The following CFAP77 variants were observed in gnomAD, a reference collection of about 807,000 sequenced individuals.
The protein encoded by CFAP77 is cilia- and flagella-associated protein 77.
A neutral mutation model predicts 31.1 loss-of-function variants in CFAP77; 25 were observed. That is an observed-to-expected ratio of 0.80 (90% CI 0.59 to 1.12). The LOEUF (loss-of-function observed/expected upper bound fraction) is 1.12. CFAP77 is among the 50% of genes most tolerant of loss of function. CFAP77 has a pLI of 0.00. For missense variants in CFAP77, 377 were observed against 397.3 expected, an observed-to-expected ratio of 0.95 and a Z score of 0.44; for synonymous variants, 151 against 159.9, an observed-to-expected ratio of 0.94 and a Z score of 0.42.
rs972452705 is a variant in CFAP77 at position 132,494,070 on chromosome 9, C to A, written c.196-4625C>A. On this transcript the variant is annotated intron_variant, in intron 1 of 5. Coordinates refer to ENST00000393216, the MANE Select transcript of CFAP77 (RefSeq NM_001282957.2). ...GGAACCACAGGCACACGCCACCATA[C>A]CCAGCTAATTTTTACATTTTTTGTA... 1.3e-4 allele frequency among the ~76,000 whole-genome samples: 20 copies of A among 152,298 alleles called. No homozygotes were observed. In the East Asian group the frequency reaches 3.9e-3, roughly 29 times the overall value.
intron 1 of CFAP77, among the ~76,000 whole-genome samples, chr9:132,446,410 C>A (rs1052480750): frequency 6.6e-6 from 1 of 151,780 alleles, no homozygotes; most frequent in Non-Finnish European, 1.5e-5. Flanking sequence ...TGTAGTGCTT[C>A]ACTCTTCACC....
At chr9:132,507,380 C>T (rs1437936420) in intron 3 of CFAP77, among the ~76,000 whole-genome samples, 2 of 152,210 alleles carry the variant, frequency 1.3e-5, no homozygotes, top group Non-Finnish European at 2.9e-5. Flanking sequence ...GCCTGGTCTA[C>T]ACCCCCAATC....
intron 1 of CFAP77, among the ~76,000 whole-genome samples, chr9:132,448,907 G>A (rs1361401073): frequency 6.6e-6 from 1 of 152,104 alleles, no homozygotes; most frequent in African/African-American, 2.4e-5. Flanking sequence ...TTTATTATGA[G>A]CAGTCGGGGA....
At chr9:132,462,811 C>T (rs892044035) in intron 1 of CFAP77, among the ~76,000 whole-genome samples, 6 of 149,666 alleles carry the variant, frequency 4.0e-5, no homozygotes, top group African/African-American at 1.0e-4. Context: ...AGCGAAACTC[C>T]GTCTCAAAAT....
At chr9:132,438,618 C>A (rs1211764470) in intron 1 of CFAP77, among the ~76,000 whole-genome samples, 2 of 148,964 alleles carry the variant, frequency 1.3e-5, no homozygotes, top group Admixed American at 1.3e-4. Flanking sequence ...TCACTGCAGC[C>A]CCAACCTCCT....
At chr9:132,433,422 T>G (rs1168072683) in intron 1 of CFAP77, among the ~76,000 whole-genome samples, 1 of 152,110 alleles carries the variant, frequency 6.6e-6, no homozygotes, top group Non-Finnish European at 1.5e-5. Context: ...CTCACCTCTA[T>G]GACAAAGGAC....
intron 1 of CFAP77, among the ~76,000 whole-genome samples, chr9:132,486,738 A>T (rs1851566240): frequency 6.6e-6 from 1 of 152,214 alleles, no homozygotes; most frequent in Non-Finnish European, 1.5e-5. Context: ...GCCTTCTCCG[A>T]GTGTAATCAA....
rs1196444968 is a variant in CFAP77, at chr9:132,559,013, CA to C, written c.733-13364del. Among the ~76,000 whole-genome samples, 964 of 139,358 alleles carry C rather than the reference CA, an allele frequency of 6.9e-3. 10 individuals carry two copies. Among genetic ancestry groups the C allele is most frequent in the African/African-American group, 0.023 (867 of 37,470 alleles). 91.4% of individuals were successfully genotyped at this position (139,358 alleles called of 152,430 possible). A position where few individuals can be genotyped will look rare whatever the true frequency, so the allele number is the denominator to read the frequency against. ...TAGGTGACAGAGCAAGACTCTGTCT[CA>C]AAAAAAAAAATCAGTAATAAAAAGA... On this transcript the variant is annotated intron_variant, in intron 5 of 5. Transcript: ENST00000393216.
chr9:132,549,865 G>A (rs993576446), intron 5 of CFAP77, among the ~76,000 whole-genome samples: 2 of 152,090 alleles, frequency 1.3e-5, no homozygotes, highest in African/African-American at 4.8e-5. Context: ...AACAAAGCAG[G>A]AGCTTAATTG....
chr9:132,559,141 G>A (rs775565787), intron 5 of CFAP77, among the ~76,000 whole-genome samples: 17 of 151,884 alleles, frequency 1.1e-4, no homozygotes, highest in African/African-American at 3.4e-4. Flanking sequence ...TCAGGTGATC[G>A]AGACCATCCT....
Position 132,424,044 on chromosome 9 carries a change from G to A in CFAP77, c.195+13578G>A, listed in dbSNP as rs560947917. 2.5e-4 allele frequency among the ~76,000 whole-genome samples: 38 copies of A among 152,338 alleles called. No homozygotes were observed. Among genetic ancestry groups the A allele is most frequent in the Non-Finnish European group, 3.7e-4 (25 of 68,036 alleles). On this transcript the variant is annotated intron_variant, in intron 1 of 5. Transcript: ENST00000393216. This position sits in a 1 kb window ranked among gnomAD's most constrained non-coding sequence, Gnocchi z 4.1. ...GGCAGAAAATTCACATCACACACGT[G>A]CACCTACGGCCAGAAGTTGACTGCA...
At chr9:132,467,237 G>T (rs1318257581) in intron 1 of CFAP77, among the ~76,000 whole-genome samples, 1 of 152,076 alleles carries the variant, frequency 6.6e-6, no homozygotes, top group Non-Finnish European at 1.5e-5. Flanking sequence ...CTATTTTAGG[G>T]TGTGCCGTTC....
chr9:132,536,391 C>CTT (rs35488775), intron 3 of CFAP77, among the ~76,000 whole-genome samples: 11,879 of 122,182 alleles, frequency 0.097, 825 homozygotes, highest in Non-Finnish European at 0.15. Context: ...GCTCATAGTT[C>CTT]TTTTTTTTTT....
At chr9:132,423,438 C>T (rs532924440) in intron 1 of CFAP77, among the ~76,000 whole-genome samples, 5 of 152,344 alleles carry the variant, frequency 3.3e-5, no homozygotes, top group African/African-American at 9.6e-5. Context: ...GCAATGTGCT[C>T]ACTGTGTGCC....
Position 132,480,436 on chromosome 9 carries a change from T to C in CFAP77, c.196-18259T>C, listed in dbSNP as rs1851425359. 6.6e-6 allele frequency among the ~76,000 whole-genome samples: 1 copy of C among 152,172 alleles called. No individual in the cohort carries two copies. The highest frequency in any genetic ancestry group is 1.9e-4 in the East Asian group (1 of 5,180). ...CAGGCCTGGGAGGAGTAAGCTTCCATAGTAGTGCCTGTGTGCCCCACCCCT... is the reference window on the plus strand; with the variant it reads ...CAGGCCTGGGAGGAGTAAGCTTCCACAGTAGTGCCTGTGTGCCCCACCCCT... On this transcript the variant is annotated intron_variant, in intron 1 of 5. Transcript: ENST00000393216. The surrounding 1 kb of genome is among the most constrained non-coding windows in gnomAD (Gnocchi z 5.8).
intron 3 of CFAP77, among the ~76,000 whole-genome samples, chr9:132,521,979 C>T (rs963195569): frequency 3.3e-5 from 5 of 152,054 alleles, no homozygotes; most frequent in Non-Finnish European, 7.4e-5. Flanking sequence ...CTAGGCTGGT[C>T]TTGAACTCCT....
intron 3 of CFAP77, among the ~76,000 whole-genome samples, chr9:132,512,301 T>C (rs184689895): frequency 1.6e-4 from 25 of 152,352 alleles, no homozygotes; most frequent in Admixed American, 7.2e-4. Context: ...ATATTTATCA[T>C]TGGGTTTAGG....
chr9:132,571,127 G>A (rs1195001814), intron 5 of CFAP77, among the ~76,000 whole-genome samples: 1 of 152,110 alleles, frequency 6.6e-6, no homozygotes, highest in African/African-American at 2.4e-5. Flanking sequence ...ACTCCGGGGT[G>A]GTCAACCCTG....
intron 1 of CFAP77, among the ~76,000 whole-genome samples, chr9:132,487,585 A>AT (rs35745635): frequency 0.23 from 33,565 of 145,016 alleles, 4,915 homozygotes; most frequent in African/African-American, 0.43. Context: ...TTTTCAATGC[A>AT]TTTTTTTTTT....
Sources: allele counts gnomAD v4.1 joint callset (sites outside exome capture counted in the v4.1 genomes callset), GRCh38; gene constraint gnomAD v4.1.1; non-coding constraint Gnocchi (gnomAD v3.1); transcripts MANE v1.5; gene names NCBI Gene and HGNC (gene_info 2026-07-23, HGNC 2026-07-21).